CKMT2: variants seen among roughly 807,000 people sequenced by gnomAD.
The protein encoded by CKMT2 is creatine kinase S-type, mitochondrial.
Under a neutral mutation model 48.9 loss-of-function variants are expected in CKMT2, and 43 were observed. That is an observed-to-expected ratio of 0.88 (90% CI 0.69 to 1.13). The LOEUF (loss-of-function observed/expected upper bound fraction) is 1.13, where lower values mean the gene tolerates loss of function less well. Ranked by LOEUF, CKMT2 falls within the 50% of genes most tolerant of loss-of-function variation. The pLI is 0.00. For synonymous variants in CKMT2, 206 were observed against 213.0 expected, an observed-to-expected ratio of 0.97 and a Z score of 0.29; for missense variants, 472 against 555.4, an observed-to-expected ratio of 0.85 and a Z score of 1.51.
In CKMT2 at chr5:81,236,591, C is replaced by T. The variant is rs891891390; in HGVS notation, c.-21+3214C>T. ...AAGAAGACAGAAGGTTTGACTCAGT[C>T]GGTGTATAGGGTTGGAAAGGATATT... On this transcript the variant is annotated intron_variant, in intron 1 of 9. Coordinates refer to ENST00000254035, the MANE Select transcript of CKMT2 (RefSeq NM_001099735.2). 2.6e-5 allele frequency among the ~76,000 whole-genome samples: 4 copies of T among 152,046 alleles called. No homozygotes were observed. The East Asian group carries it at 5.8e-4, about 22-fold the overall frequency.
intron 8 of CKMT2, among the ~76,000 whole-genome samples, chr5:81,259,987 A>G (rs1183038327): frequency 6.6e-6 from 1 of 152,204 alleles, no homozygotes; most frequent in Non-Finnish European, 1.5e-5. Flanking sequence ...AACACTCCTC[A>G]GCAAATGCAA....
At chr5:81,256,533 A>T (rs962576744) in intron 5 of CKMT2, among the ~76,000 whole-genome samples, 1 of 152,044 alleles carries the variant, frequency 6.6e-6, no homozygotes, top group Non-Finnish European at 1.5e-5. Flanking sequence ...TGTGTAGAAC[A>T]GCCTTTTCAG....
At chr5:81,254,365 A>G (rs774801693) in intron 3 of CKMT2, 31 bp from the exon 4 acceptor site, 1 of 1,576,598 alleles carries the variant, frequency 6.3e-7, no homozygotes, top group Non-Finnish European at 8.7e-7. Context: ...TGAACCAGTT[A>G]AAGAGGAAAC....
chr5:81,258,645 T>C (rs1580454367), intron 7 of CKMT2, among the ~76,000 whole-genome samples: 1 of 152,046 alleles, frequency 6.6e-6, no homozygotes. Flanking sequence ...GAGTGGTGGG[T>C]AAGCCAGCAT....
intron 5 of CKMT2, among the ~76,000 whole-genome samples, chr5:81,256,701 G>A (rs1045428412): frequency 2.6e-5 from 4 of 152,176 alleles, no homozygotes; most frequent in Non-Finnish European, 4.4e-5. Context: ...TTTTTAAAAC[G>A]TCCTGATGCC....
At position 81,252,907 on chromosome 5, in the gene CKMT2, C is replaced by T; in HGVS notation, c.351+14C>T. The stretch of plus-strand genomic sequence containing the variant: ...GAGTCCTATGAGGTAAAACTATTGG[C>T]TGCTGGTTCCAGGGTGGGAGGGATG... On this transcript the variant is annotated intron_variant, in intron 3 of 9. Coordinates refer to ENST00000254035, the MANE Select transcript of CKMT2 (RefSeq NM_001099735.2). 6.8e-6 allele frequency: 11 copies of T among 1,613,836 alleles called. No homozygotes were observed. The highest frequency in any genetic ancestry group is 9.3e-6 in the Non-Finnish European group (11 of 1,179,808).
chr5:81,246,211 T>C (rs1437783547), intron 1 of CKMT2, among the ~76,000 whole-genome samples: 1 of 151,222 alleles, frequency 6.6e-6, no homozygotes. Context: ...CATCTGTAAA[T>C]TTCCTCTGCA....
At chr5:81,235,203 C>T (rs1188284623) in intron 1 of CKMT2, among the ~76,000 whole-genome samples, 1 of 152,240 alleles carries the variant, frequency 6.6e-6, no homozygotes, top group Non-Finnish European at 1.5e-5. Context: ...CTAAATATCT[C>T]CTTCCTGCCT....
rs770376365 is a variant in CKMT2, at chr5:81,259,241, C to CAAAGCTCAGCAA, written c.1002_1013dup (p.Lys335_Lys338dup). 3 of 1,613,782 alleles carry CAAAGCTCAGCAA rather than the reference C, an allele frequency of 1.9e-6. No homozygotes were observed. Among genetic ancestry groups the CAAAGCTCAGCAA allele is most frequent in the Admixed American group, 3.3e-5 (2 of 60,004 alleles). ...CGAGCTGGTGTCCACGTTAGGATCC[C>CAAAGCTCAGCAA]AAAGCTCAGCAAGGTACTGTTATGT... is the stretch of plus-strand genomic sequence containing the variant. On this transcript the variant is annotated inframe_insertion, in exon 8 of 10. Transcript: ENST00000254035.
intron 1 of CKMT2, among the ~76,000 whole-genome samples, chr5:81,234,828 G>C: frequency 6.6e-6 from 1 of 152,104 alleles, no homozygotes; most frequent in Non-Finnish European, 1.5e-5. Flanking sequence ...CCCTAGCTCA[G>C]AGGCCCTGGG....
chr5:81,254,761 C>A (rs1561283666), intron 4 of CKMT2: 2 of 598,014 alleles, frequency 3.3e-6, no homozygotes, highest in South Asian at 2.1e-5. Flanking sequence ...CCCAAACCAC[C>A]CAGTGACGGT....
intron 1 of CKMT2, 137 bp from the exon 2 acceptor site, chr5:81,250,976 C>CACACACACACACACACACACACAG: frequency 1.5e-6 from 1 of 659,540 alleles, no homozygotes; most frequent in Non-Finnish European, 2.6e-6. Flanking sequence ...CACACACACA[C>CACACACACACACACACACACACAG]ACAGAAAGAG....
intron 9 of CKMT2, 131 bp downstream of exon 9, chr5:81,263,747 T>C: frequency 1.5e-6 from 1 of 675,082 alleles, no homozygotes. Flanking sequence ...CTGAGTTATG[T>C]TAGCTTTTCA....
intron 6 of CKMT2, among the ~76,000 whole-genome samples, chr5:81,257,292 G>C (rs148623993): frequency 6.6e-6 from 1 of 152,208 alleles, no homozygotes; most frequent in Non-Finnish European, 1.5e-5. Context: ...TGCTCTGTAG[G>C]GATGGACAGG....
At chr5:81,256,846 A>G (rs1233839093) in intron 5 of CKMT2, 69 bp from the exon 6 acceptor site, 22 of 1,134,188 alleles carry the variant, frequency 1.9e-5, no homozygotes, top group Non-Finnish European at 2.6e-5. Context: ...GAACTTGTTC[A>G]CCTGGCACTT....
At chr5:81,253,241 G>A (rs754029329) in intron 3 of CKMT2, among the ~76,000 whole-genome samples, 2 of 152,186 alleles carry the variant, frequency 1.3e-5, no homozygotes, top group African/African-American at 2.4e-5. Context: ...GAGCTGATGT[G>A]TTTGTGGCTG....
At chr5:81,253,729 C>T (rs1165655812) in intron 3 of CKMT2, among the ~76,000 whole-genome samples, 3 of 152,212 alleles carry the variant, frequency 2.0e-5, no homozygotes, top group Non-Finnish European at 4.4e-5. Context: ...TCAAAGTCCT[C>T]CCCACTTCCC....
intron 1 of CKMT2, among the ~76,000 whole-genome samples, chr5:81,237,180 G>C (rs866174684): frequency 1.3e-5 from 2 of 152,182 alleles, no homozygotes; most frequent in Non-Finnish European, 2.9e-5. Flanking sequence ...TGCGAAAAAT[G>C]TAAGTTAAAA....
At chr5:81,252,980 A>G (rs1048390968) in intron 3 of CKMT2, 87 bp downstream of exon 3, 4 of 1,428,790 alleles carry the variant, frequency 2.8e-6, no homozygotes, top group Admixed American at 1.7e-5. Context: ...TTTCTTCTCT[A>G]TGGGGCCAAC....
Sources: allele counts gnomAD v4.1 joint callset (sites outside exome capture counted in the v4.1 genomes callset), GRCh38; gene constraint gnomAD v4.1.1; transcripts MANE v1.5; gene names NCBI Gene and HGNC (gene_info 2026-07-23, HGNC 2026-07-21).